SLC25A29: variants seen among roughly 807,000 people sequenced by gnomAD.
The protein encoded by SLC25A29 is solute carrier family 25 member 29, also known as mitochondrial basic amino acids transporter.
Under a neutral mutation model 10.0 loss-of-function variants are expected in SLC25A29, and 13 were observed. The ratio of observed to expected loss-of-function variants is 1.30; its 90% confidence interval spans 0.85 to 2.07. The LOEUF (loss-of-function observed/expected upper bound fraction) is 2.07. SLC25A29 is among the 30% of genes most tolerant of loss of function. The pLI is 0.00. For missense variants in SLC25A29, 475 were observed against 447.6 expected (o/e 1.06, Z -0.55); for synonymous variants, 244 against 221.1 (o/e 1.10, Z -0.92).
chr14:100,304,646 G>A (rs1892792638), intron 1 of SLC25A29, among the ~76,000 whole-genome samples: 1 of 152,024 alleles, frequency 6.6e-6, no homozygotes. Context: ...TGGGGCAGGG[G>A]GCATGGATAT....
downstream of SLC25A29, among the ~76,000 whole-genome samples, chr14:100,286,561 G>C (rs1236195062): frequency 1.3e-5 from 2 of 151,998 alleles, no homozygotes; most frequent in Non-Finnish European, 2.9e-5. Flanking sequence ...AGGAGAGCAA[G>C]GCTGAGCAAG....
intron 1 of SLC25A29, among the ~76,000 whole-genome samples, chr14:100,300,329 TCTG>T (rs1213215331): frequency 1.3e-5 from 2 of 152,160 alleles, no homozygotes; most frequent in Non-Finnish European, 2.9e-5. Context: ...CTTTGCCAGT[TCTG>T]CTTTCTCTTT....
intron 1 of SLC25A29, among the ~76,000 whole-genome samples, chr14:100,301,563 G>A (rs1166434758): frequency 6.6e-6 from 1 of 152,050 alleles, no homozygotes; most frequent in East Asian, 1.9e-4. Context: ...AGGCTGGAGT[G>A]CAGTGGCACG....
At position 100,298,905 on chromosome 14, in the gene SLC25A29, C is replaced by A; in HGVS notation, c.35-20G>T. On this transcript the variant is annotated intron_variant, in intron 1 of 3. Coordinates refer to ENST00000359232, the MANE Select transcript of SLC25A29 (RefSeq NM_001039355.3). ...CCACACCTGGAGGAGGAGAGGGGGA[C>A]TTGTGACCCACATACCTCAGAAACA... is the stretch of plus-strand genomic sequence containing the variant. 1 of 1,614,058 alleles carries A rather than the reference C, an allele frequency of 6.2e-7. No individual in the cohort carries two copies. The highest frequency in any genetic ancestry group is 2.2e-5 in the East Asian group (1 of 44,884).
downstream of SLC25A29, among the ~76,000 whole-genome samples, chr14:100,286,332 C>A (rs138263851): frequency 4.9e-3 from 753 of 152,288 alleles, 7 homozygotes; most frequent in African/African-American, 0.017. Flanking sequence ...CCACCATGTT[C>A]CCCTGTGTCT....
the SLC25A29 span, among the ~76,000 whole-genome samples, chr14:100,285,387 C>T: frequency 2.0e-5 from 3 of 151,898 alleles, no homozygotes; most frequent in South Asian, 4.1e-4. Context: ...CCTGGGCCCC[C>T]ACCCGCAGGG....
intron 1 of SLC25A29, chr14:100,299,747 C>T (rs1015616261): frequency 7.2e-5 from 71 of 985,336 alleles, no homozygotes; most frequent in Non-Finnish European, 8.4e-5. Flanking sequence ...GGTCAGGTAA[C>T]TGACTCTGAC....
At position 100,306,406 on chromosome 14, in the gene SLC25A29, C is replaced by T; in HGVS notation, c.-174G>A. The T allele has an allele frequency of 2.1e-6, 1 of 484,722 alleles. No individual in the cohort carries two copies. Among genetic ancestry groups the T allele is most frequent in the Non-Finnish European group, 3.2e-6 (1 of 314,060 alleles). The allele number at this position is 484,722 out of a possible 1,614,324, so 30.0% of individuals were successfully genotyped here. On this transcript the variant is annotated 5_prime_UTR_variant, in exon 1 of 4. Transcript: ENST00000359232. ...GGGATGGTGGGGATGGCGGCAGCAGCTAGACCCGCGCTGGTCCCTCGGCGG... is the reference window on the plus strand; with the variant it reads ...GGGATGGTGGGGATGGCGGCAGCAGTTAGACCCGCGCTGGTCCCTCGGCGG...
chr14:100,293,208 C>A, intron 3 of SLC25A29, 86 bp downstream of exon 3: 1 of 1,523,194 alleles, frequency 6.6e-7, no homozygotes, highest in East Asian at 2.4e-5. Context: ...ACCTTCCTTC[C>A]TGGCTCTCTG....
At chr14:100,293,620 T>G in intron 2 of SLC25A29, 1 of 554,612 alleles carries the variant, frequency 1.8e-6, no homozygotes, top group Admixed American at 3.1e-5. Context: ...CCCCAAGATC[T>G]CAGACCAATT....
At chr14:100,305,146 T>C (rs12432201) in intron 1 of SLC25A29, 43,804 of 151,506 alleles carry the variant, frequency 0.29, 6,672 homozygotes, top group East Asian at 0.52. Flanking sequence ...GCACAACACC[T>C]CCCCAACACA....
downstream of SLC25A29, among the ~76,000 whole-genome samples, chr14:100,286,733 G>T (rs995850891): frequency 2.6e-5 from 4 of 152,236 alleles, no homozygotes; most frequent in African/African-American, 4.8e-5. Context: ...GGTACCATGA[G>T]GTCAGGGGTG....
intron 1 of SLC25A29, chr14:100,299,550 T>C (rs1892403040): frequency 1.0e-6 from 1 of 985,906 alleles, no homozygotes; most frequent in Non-Finnish European, 1.2e-6. Context: ...GCGGTCATCC[T>C]TGGTTCTTCA....
the SLC25A29 span, chr14:100,280,756 C>T: frequency 6.6e-6 from 1 of 152,148 alleles, no homozygotes; most frequent in Non-Finnish European, 1.5e-5. Flanking sequence ...ATGAGAGTCA[C>T]TTCCAGTCGG....
At chr14:100,287,064 C>G (rs1171901092), downstream of SLC25A29, among the ~76,000 whole-genome samples, 1 of 152,246 alleles carries the variant, frequency 6.6e-6, no homozygotes, top group Non-Finnish European at 1.5e-5. Flanking sequence ...CAAGAACCCA[C>G]CCAGCACAAG....
chr14:100,299,253 C>T, intron 1 of SLC25A29: 1 of 1,079,086 alleles, frequency 9.3e-7, no homozygotes, highest in Non-Finnish European at 1.1e-6. Flanking sequence ...CTGACATGGG[C>T]AGGAGGCTCC....
the SLC25A29 span, chr14:100,281,222 TATTTA>T: frequency 6.6e-6 from 1 of 151,922 alleles, no homozygotes; most frequent in African/African-American, 2.4e-5. Flanking sequence ...GATCTTTAAT[TATTTA>T]ATTATTCTTT....
chr14:100,280,286 T>G, the SLC25A29 span: 1 of 152,232 alleles, frequency 6.6e-6, no homozygotes, highest in African/African-American at 2.4e-5. Context: ...TGAGGATTAA[T>G]CTGATTTATA....
At chr14:100,290,135 T>C (rs1024283902), downstream of SLC25A29, among the ~76,000 whole-genome samples, 3 of 152,196 alleles carry the variant, frequency 2.0e-5, no homozygotes, top group African/African-American at 4.8e-5. Context: ...AAGGGTCACG[T>C]TGGGGCCTTT....
Sources: allele counts gnomAD v4.1 joint callset (sites outside exome capture counted in the v4.1 genomes callset), GRCh38; gene constraint gnomAD v4.1.1; transcripts MANE v1.5; gene names NCBI Gene and HGNC (gene_info 2026-07-23, HGNC 2026-07-21).